PDE4D: variants seen among roughly 807,000 people sequenced by gnomAD.
The protein encoded by PDE4D is phosphodiesterase 4D.
PDE4D carries 24 observed loss-of-function variants against 87.4 expected under a neutral mutation model. That is an observed-to-expected ratio of 0.27 (90% CI 0.20 to 0.39). The LOEUF (loss-of-function observed/expected upper bound fraction) is 0.39, where lower values mean the gene tolerates loss of function less well. PDE4D is among the 10% of genes least tolerant of loss of function. The pLI is 1.00. For synonymous variants in PDE4D, 384 were observed against 383.2 expected (o/e 1.00, Z -0.02); for missense variants, 714 against 1,041.0 (o/e 0.69, Z 4.32).
At position 59,828,641 on chromosome 5, in the gene PDE4D, T is replaced by G. The variant is rs1770610703; in HGVS notation, c.455+64527A>C. 1.3e-5 allele frequency among the ~76,000 whole-genome samples: 2 copies of G among 152,002 alleles called. 1 individual carries two copies. Among genetic ancestry groups the G allele is most frequent in the South Asian group, 4.1e-4 (2 of 4,824 alleles). Reference sequence around the variant, plus strand: ...CTTATGAAGCTGGGGGAGCTGCAGATCAGCAGGTACTGGCAAACCTCAGCA... The same window carrying G: ...CTTATGAAGCTGGGGGAGCTGCAGAGCAGCAGGTACTGGCAAACCTCAGCA... On this transcript the variant is annotated intron_variant, in intron 1 of 14. Transcript: ENST00000340635.
intron 1 of PDE4D, among the ~76,000 whole-genome samples, chr5:60,417,995 A>T (rs1742762659): frequency 6.6e-6 from 1 of 152,210 alleles, no homozygotes; most frequent in African/African-American, 2.4e-5. Flanking sequence ...GCAGACAAGA[A>T]CCTGAAAAAG....
At chr5:59,334,199 T>C (rs1777230225) in intron 1 of PDE4D, among the ~76,000 whole-genome samples, 1 of 150,196 alleles carries the variant, frequency 6.7e-6, no homozygotes. Flanking sequence ...ATATCAGTGC[T>C]AAGGGAAGAA....
intron 2 of PDE4D, among the ~76,000 whole-genome samples, chr5:60,171,492 G>A (rs1783425389): frequency 6.6e-6 from 1 of 152,046 alleles, no homozygotes; most frequent in Non-Finnish European, 1.5e-5. Flanking sequence ...GAAATGCATG[G>A]ATCTGAGGTA....
intron 1 of PDE4D, among the ~76,000 whole-genome samples, chr5:60,400,539 A>AG (rs1561209908): frequency 2.0e-5 from 3 of 151,150 alleles, no homozygotes; most frequent in Non-Finnish European, 4.4e-5. Context: ...AAAAAAAAAA[A>AG]AAAAAGAAAT....
chr5:60,498,808 C>T (rs1321106912), intron 1 of PDE4D, among the ~76,000 whole-genome samples: 1 of 152,134 alleles, frequency 6.6e-6, no homozygotes, highest in African/African-American at 2.4e-5. Context: ...GGTAGTGGTC[C>T]TATCCTCCTA....
At chr5:59,849,971 C>T (rs1187009704) in intron 1 of PDE4D, among the ~76,000 whole-genome samples, 1 of 151,934 alleles carries the variant, frequency 6.6e-6, no homozygotes, top group East Asian at 1.9e-4. Context: ...AGCCAATAAG[C>T]TGGTCATGAG....
intron 5 of PDE4D, among the ~76,000 whole-genome samples, chr5:59,096,031 A>T (rs373989146): frequency 2.0e-5 from 3 of 152,168 alleles, no homozygotes; most frequent in Admixed American, 6.6e-5. Flanking sequence ...TGTGGAAGAA[A>T]TAAAGGGAGT....
At chr5:58,976,948 T>A (rs923514763) in intron 12 of PDE4D, among the ~76,000 whole-genome samples, 2 of 152,190 alleles carry the variant, frequency 1.3e-5, no homozygotes, top group Non-Finnish European at 2.9e-5. Flanking sequence ...GCCACCAGAC[T>A]GGAGGGGCCC....
At chr5:59,526,621 A>T (rs904660379) in intron 1 of PDE4D, among the ~76,000 whole-genome samples, 2 of 152,100 alleles carry the variant, frequency 1.3e-5, no homozygotes, top group African/African-American at 4.8e-5. Flanking sequence ...ATCTTTTCCC[A>T]TTGCTTAATT....
At chr5:59,055,574 A>C (rs995123668) in intron 5 of PDE4D, among the ~76,000 whole-genome samples, 4 of 151,568 alleles carry the variant, frequency 2.6e-5, no homozygotes, top group Admixed American at 2.6e-4. Context: ...GATCATCTAG[A>C]CCTTTTTCCC....
upstream of PDE4D, among the ~76,000 whole-genome samples, chr5:59,898,084 G>A (rs1751855593): frequency 6.6e-6 from 1 of 152,152 alleles, no homozygotes; most frequent in Admixed American, 6.5e-5. Context: ...TGTCTAATAT[G>A]AAATAAACAG....
rs1219180887 is a variant in PDE4D at position 59,399,784 on chromosome 5, A to G, written c.456-183816T>C. On this transcript the variant is annotated intron_variant, in intron 1 of 14. Transcript: ENST00000340635. ...GCACAGCAAAAGAAACTACCATCAG[A>G]GTGAACAGGCAACCTAGAAAATGGG... is the stretch of plus-strand genomic sequence containing the variant. Among the ~76,000 whole-genome samples, 2 of 110,324 alleles carry G rather than the reference A, an allele frequency of 1.8e-5. 1 individual carries two copies. Among genetic ancestry groups the G allele is most frequent in the Admixed American group, 1.7e-4 (2 of 11,446 alleles). The allele number at this position is 110,324 out of a possible 152,430, so 72.4% of individuals were successfully genotyped here.
rs35340734 is a variant in PDE4D, at chr5:60,193,669, CA to C, written c.-89-7983del. Among the ~76,000 whole-genome samples, 239 of 46,854 alleles carry C rather than the reference CA, an allele frequency of 5.1e-3. 1 individual carries two copies. Among genetic ancestry groups the C allele is most frequent in the African/African-American group, 0.015 (193 of 12,790 alleles). The allele number at this position is 46,854 out of a possible 152,430, so 30.7% of individuals were successfully genotyped here. ...CCTGGGCGACAGCGAGACTCCGTCT[CA>C]AAAAAAAAAAAAAAAAAAAAAAGAA... is the stretch of plus-strand genomic sequence containing the variant. On this transcript the variant is annotated intron_variant, in intron 1 of 16. Transcript: ENST00000502484.
At chr5:59,595,877 C>G (rs1404254045) in intron 1 of PDE4D, among the ~76,000 whole-genome samples, 1 of 151,898 alleles carries the variant, frequency 6.6e-6, no homozygotes, top group Non-Finnish European at 1.5e-5. Flanking sequence ...TTGTATGGTC[C>G]AGGTAAAACT....
chr5:60,112,397 G>A (rs984641322), intron 2 of PDE4D, among the ~76,000 whole-genome samples: 3 of 152,034 alleles, frequency 2.0e-5, no homozygotes, highest in East Asian at 1.9e-4. Flanking sequence ...GTGTGGGGTC[G>A]TATGGGGTTG....
intron 2 of PDE4D, among the ~76,000 whole-genome samples, chr5:60,057,930 TGTATAGAACATGTTTGGGAAA>T (rs1371898010): frequency 1.3e-5 from 2 of 151,972 alleles, no homozygotes; most frequent in Non-Finnish European, 2.9e-5. Context: ...CCCCTAAAAT[TGTATAGAACATGTTTGGGAAA>T]GTATGACTAT....
chr5:59,084,641 C>T (rs2153425258), intron 5 of PDE4D, among the ~76,000 whole-genome samples: 1 of 152,034 alleles, frequency 6.6e-6, no homozygotes, highest in Middle Eastern at 3.4e-3. Flanking sequence ...AATCCCAGCA[C>T]TTCGAGAGGC....
chr5:60,157,076 A>C (rs1436862597), intron 2 of PDE4D, among the ~76,000 whole-genome samples: 1 of 152,168 alleles, frequency 6.6e-6, no homozygotes, highest in Non-Finnish European at 1.5e-5. Context: ...CCATATTCAC[A>C]AAGTACTTTC....
At chr5:60,333,019 A>G (rs34353877) in intron 1 of PDE4D, among the ~76,000 whole-genome samples, 38,818 of 152,154 alleles carry the variant, frequency 0.26, 5,422 homozygotes, top group East Asian at 0.48. Flanking sequence ...TCTAAGGCAG[A>G]TGCAGGAAGG....
Sources: gnomAD v4.1 joint callset for allele counts (sites outside exome capture counted in the v4.1 genomes callset) on GRCh38, gnomAD v4.1.1 for gene constraint, MANE v1.5 for transcripts, NCBI Gene and HGNC (gene_info 2026-07-23, HGNC 2026-07-21) for gene names.